BBS12: variants seen among roughly 807,000 people sequenced by gnomAD.
BBS12 encodes the protein chaperonin-containing T-complex member BBS12.
A neutral mutation model predicts 5.6 loss-of-function variants in BBS12; 5 were observed. The observed-to-expected ratio is 0.89, with a 90% CI of 0.46 to 1.86. The LOEUF is 1.86. BBS12 is among the 40% of genes most tolerant of loss of function. The pLI is 0.01. For synonymous variants in BBS12, 308 were observed against 306.8 expected, an observed-to-expected ratio of 1.00 and a Z score of -0.04; for missense variants, 748 against 830.4, an observed-to-expected ratio of 0.90 and a Z score of 1.22.
At chr4:122,709,294 ATAAT>A in the BBS12 span, among the ~76,000 whole-genome samples, 1 of 152,180 alleles carries the variant, frequency 6.6e-6, no homozygotes, top group Non-Finnish European at 1.5e-5. Flanking sequence ...TTCAGGACTT[ATAAT>A]GGCAGAGTTT....
At chr4:122,728,746 T>C (rs368369710), upstream of BBS12, 6 of 152,338 alleles carry the variant, frequency 3.9e-5, no homozygotes, top group East Asian at 5.8e-4. Flanking sequence ...TAAAACCTCT[T>C]GTGTTGACAA....
rs142330664 is a variant in BBS12 at position 122,742,439 on chromosome 4, A to C, written c.547A>C (p.Thr183Pro). ...LHGLKDVASQTLTISNLSGRP... is the reference protein window; with the variant it reads ...LHGLKDVASQPLTISNLSGRP... ...TGGTCTCAAAGATGTTGCCTCTCAA[A>C]CACTGACCATTTCCAACCTTTCTGG... Residue 183 changes from threonine (T) to proline (P), a missense_variant, in exon 2 of 2, where the codon ACA becomes CCA. Coordinates refer to ENST00000314218, the MANE Select transcript of BBS12 (RefSeq NM_152618.3). 6 of 1,614,108 alleles carry C rather than the reference A, an allele frequency of 3.7e-6. No individual in the cohort carries two copies. The highest frequency in any genetic ancestry group is 1.3e-5 in the African/African-American group (1 of 74,948).
the BBS12 span, among the ~76,000 whole-genome samples, chr4:122,722,222 CA>C: frequency 3.3e-5 from 5 of 152,142 alleles, no homozygotes; most frequent in Admixed American, 3.3e-4. Context: ...TGTCTTAAAT[CA>C]AGTCATGTAA....
chr4:122,712,924 A>T, the BBS12 span, among the ~76,000 whole-genome samples: 478 of 152,376 alleles, frequency 3.1e-3, 4 homozygotes, highest in African/African-American at 0.011. Flanking sequence ...TTTGTGAAAG[A>T]TAAAATATCT....
At chr4:122,719,925 C>T in the BBS12 span, among the ~76,000 whole-genome samples, 45 of 152,218 alleles carry the variant, frequency 3.0e-4, no homozygotes, top group East Asian at 7.2e-3. Context: ...AAAACCATTC[C>T]CCATTCCGCC....
chr4:122,701,783 C>T, the BBS12 span, among the ~76,000 whole-genome samples: 2 of 152,122 alleles, frequency 1.3e-5, no homozygotes, highest in African/African-American at 2.4e-5. Context: ...AAGACCTTTC[C>T]TGTTGTTCCT....
the BBS12 span, among the ~76,000 whole-genome samples, chr4:122,715,973 C>T: frequency 1.9e-4 from 29 of 152,172 alleles, no homozygotes; most frequent in East Asian, 1.4e-3. Context: ...GTCAAATAAA[C>T]GGGTATAATT....
chr4:122,731,647 C>G (rs560887867), upstream of BBS12: 8 of 152,178 alleles, frequency 5.3e-5, no homozygotes, highest in South Asian at 1.2e-3. Context: ...TAAATTTCTT[C>G]TTTCTTTGGT....
chr4:122,721,413 T>C, the BBS12 span, among the ~76,000 whole-genome samples: 1 of 152,218 alleles, frequency 6.6e-6, no homozygotes, highest in Non-Finnish European at 1.5e-5. Flanking sequence ...TTGTTACAAG[T>C]AGGAATTAAA....
the BBS12 span, among the ~76,000 whole-genome samples, chr4:122,718,326 T>G: frequency 6.6e-6 from 1 of 152,196 alleles, no homozygotes; most frequent in Non-Finnish European, 1.5e-5. Flanking sequence ...TAGCCAGCAG[T>G]CTCTCCCATT....
At chr4:122,715,440 C>T in the BBS12 span, among the ~76,000 whole-genome samples, 8 of 151,866 alleles carry the variant, frequency 5.3e-5, no homozygotes, top group Non-Finnish European at 1.0e-4. Flanking sequence ...CTTTGTGGTT[C>T]TCTGACCGGG....
At chr4:122,716,691 GTA>G in the BBS12 span, among the ~76,000 whole-genome samples, 5,433 of 76,014 alleles carry the variant, frequency 0.071, 845 homozygotes, top group Non-Finnish European at 0.084. Flanking sequence ...ACACATATGT[GTA>G]TGTGTGTGTA....
chr4:122,716,633 GTATATACACA>G, the BBS12 span, among the ~76,000 whole-genome samples: 1 of 101,198 alleles, frequency 9.9e-6, no homozygotes, highest in African/African-American at 4.0e-5. Context: ...ATACACATAT[GTATATACACA>G]CGTGTGTGTA....
chr4:122,742,307 G>C lies in BBS12; in HGVS notation c.415G>C (p.Asp139His). 6.2e-7 allele frequency: 1 copy of C among 1,613,960 alleles called. No individual in the cohort carries two copies. Among genetic ancestry groups the C allele is most frequent in the Non-Finnish European group, 8.5e-7 (1 of 1,179,996 alleles). Reference sequence around the variant, plus strand: ...TCATGTACCTGTTCACAATATATTTGACTGTATGGACAGCACAAAAACATT... The same window carrying C: ...TCATGTACCTGTTCACAATATATTTCACTGTATGGACAGCACAAAAACATT... ...SLHVPVHNIFDCMDSTKTFSQ... is the reference protein window; with the variant it reads ...SLHVPVHNIFHCMDSTKTFSQ... The change falls in exon 2 of 2, where the codon GAC becomes CAC. Residue 139 changes from aspartate (D) to histidine (H), a missense_variant. Coordinates refer to ENST00000314218, the MANE Select transcript of BBS12 (RefSeq NM_152618.3).
chr4:122,742,522 C>A lies in BBS12; in HGVS notation c.630C>A (p.Asn210Lys). 2 of 1,614,152 alleles carry A rather than the reference C, an allele frequency of 1.2e-6. No individual in the cohort carries two copies. The highest frequency in any genetic ancestry group is 1.7e-6 in the Non-Finnish European group (2 of 1,180,024). ...FKPQTKVEAD[N>K]NTSRTLKNSL... ...CTCAGACAAAGGTTGAAGCAGATAA[C>A]AACACATCACGAACTCTGAAAAACA... Residue 210 changes from asparagine (N) to lysine (K), a missense_variant, in exon 2 of 2, where the codon AAC becomes AAA. By Grantham distance (94) the Asn-to-Lys change is moderately conservative. Transcript: ENST00000314218.
chr4:122,702,685 C>A, the BBS12 span, among the ~76,000 whole-genome samples: 1 of 152,204 alleles, frequency 6.6e-6, no homozygotes, highest in Non-Finnish European at 1.5e-5. Context: ...ACCCTTTATT[C>A]GCAAAGGATG....
the BBS12 span, among the ~76,000 whole-genome samples, chr4:122,713,883 G>A: frequency 6.6e-6 from 1 of 152,108 alleles, no homozygotes; most frequent in Non-Finnish European, 1.5e-5. Context: ...AATATCTCAT[G>A]TATACAATTG....
chr4:122,712,011 C>A, the BBS12 span, among the ~76,000 whole-genome samples: 1 of 152,198 alleles, frequency 6.6e-6, no homozygotes, highest in African/African-American at 2.4e-5. Context: ...GGTAGACCTT[C>A]TGCTGCCTTG....
At chr4:122,727,059 C>G in the BBS12 span, among the ~76,000 whole-genome samples, 1 of 151,812 alleles carries the variant, frequency 6.6e-6, no homozygotes, top group Non-Finnish European at 1.5e-5. Flanking sequence ...CTCATATAAC[C>G]AAATACCACC....
Sources: allele counts gnomAD v4.1 joint callset (sites outside exome capture counted in the v4.1 genomes callset), GRCh38; gene constraint gnomAD v4.1.1; transcripts MANE v1.5; gene names NCBI Gene and HGNC (gene_info 2026-07-23, HGNC 2026-07-21).